Variants in RABGAP1L observed in about 807,000 individuals in gnomAD.
RABGAP1L encodes the protein RAB GTPase activating protein 1 like, also known as rab GTPase-activating protein 1-like.
A neutral mutation model predicts 137.7 loss-of-function variants in RABGAP1L; 63 were observed. The ratio of observed to expected loss-of-function variants is 0.46; its 90% CI spans 0.37 to 0.56. The LOEUF (loss-of-function observed/expected upper bound fraction) is 0.56. Among genes scored for constraint, RABGAP1L ranks in the 20% least tolerant of loss-of-function variants. The probability of loss-of-function intolerance (pLI) is 0.00; values close to 1 mark genes in which losing one functional copy is unlikely to be tolerated. For missense variants in RABGAP1L, 1,095 were observed against 1,244.0 expected (o/e 0.88, Z 1.80); for synonymous variants, 431 against 433.7 (o/e 0.99, Z 0.08).
intron 18 of RABGAP1L, among the ~76,000 whole-genome samples, chr1:174,782,588 C>A (rs548955917): frequency 6.6e-6 from 1 of 152,290 alleles, no homozygotes; most frequent in African/African-American, 2.4e-5. Flanking sequence ...ATTTGTTACT[C>A]TTCTCTGGAG....
chr1:174,245,976 G>C (rs1014301000), intron 5 of RABGAP1L: 2 of 152,114 alleles, frequency 1.3e-5, no homozygotes, highest in Non-Finnish European at 2.9e-5. Flanking sequence ...TTCCAAAAGA[G>C]TGAGTTATCT....
chr1:174,540,546 A>C (rs978088165), intron 13 of RABGAP1L, among the ~76,000 whole-genome samples: 9 of 152,216 alleles, frequency 5.9e-5, no homozygotes, highest in African/African-American at 2.2e-4. Flanking sequence ...TTTATTAAAT[A>C]GGGAATCCTT....
chr1:174,196,260 G>A (rs1223073933), intron 1 of RABGAP1L, among the ~76,000 whole-genome samples: 3 of 123,878 alleles, frequency 2.4e-5, no homozygotes, highest in East Asian at 2.4e-4. Flanking sequence ...GTCTTGCTCT[G>A]TCGCCCAGGC....
intron 18 of RABGAP1L, among the ~76,000 whole-genome samples, chr1:174,765,599 ATTT>A (rs754181726): frequency 6.9e-6 from 1 of 144,762 alleles, no homozygotes. Flanking sequence ...TGTCCAGCAA[ATTT>A]TTTTTTTTTT....
chr1:174,824,933 T>A (rs1691420168), intron 19 of RABGAP1L, among the ~76,000 whole-genome samples: 1 of 152,194 alleles, frequency 6.6e-6, no homozygotes, highest in African/African-American at 2.4e-5. Flanking sequence ...CTTCTGAAGT[T>A]CCACTTAAAG....
At chr1:174,333,009 T>C (rs1479765559) in intron 11 of RABGAP1L, among the ~76,000 whole-genome samples, 1 of 152,220 alleles carries the variant, frequency 6.6e-6, no homozygotes, top group African/African-American at 2.4e-5. Context: ...AATCCTGTTA[T>C]TTGGGACAAT....
rs774734705 is a variant in RABGAP1L at position 174,472,469 on chromosome 1, G to A, written c.1710+78324G>A. Among the ~76,000 whole-genome samples the A allele has an allele frequency of 1.1e-4, 17 of 152,284 alleles. 1 individual carries two copies. Among genetic ancestry groups the A allele is most frequent in the Non-Finnish European group, 1.9e-4 (13 of 68,034 alleles). On this transcript the variant is annotated intron_variant, in intron 13 of 25. Coordinates refer to ENST00000681986, the MANE Select transcript of RABGAP1L (RefSeq NM_001366446.1). ...TTTGGTGATTTGCTAGGACTAACAG[G>A]ACTCAGCATATAGTCCTCATTGCTA...
At chr1:174,809,101 C>A (rs977681448) in intron 18 of RABGAP1L, among the ~76,000 whole-genome samples, 2 of 152,194 alleles carry the variant, frequency 1.3e-5, no homozygotes, top group Non-Finnish European at 2.9e-5. Flanking sequence ...GTCAAGTACT[C>A]CAGAGGCTGA....
At position 174,221,031 on chromosome 1, in the gene RABGAP1L, C is replaced by T. The variant is rs140528551; in HGVS notation, c.198C>T (p.Ser66=). The T allele has an allele frequency of 3.1e-5, 50 of 1,613,482 alleles. No individual in the cohort carries two copies. Among genetic ancestry groups the T allele is most frequent in the African/African-American group, 2.8e-4 (21 of 74,946 alleles). ...CCATGGAAGAGATTTTGAGAGATTC[C>T]GAGAAAAGGCCAAGCAGTCTTCTTG... ...EKAMEEILRD[S]EKRPSSLLVD... is the part of the protein sequence containing the mutation. Residue 66 remains serine (S), a synonymous_variant, in exon 3 of 26, where the codon TCC becomes TCT. Coordinates refer to ENST00000681986, the MANE Select transcript of RABGAP1L (RefSeq NM_001366446.1).
At chr1:174,348,738 G>C (rs904434597) in intron 11 of RABGAP1L, among the ~76,000 whole-genome samples, 1 of 148,876 alleles carries the variant, frequency 6.7e-6, no homozygotes, top group African/African-American at 2.5e-5. Flanking sequence ...AACCCTGAGT[G>C]GACACAGCAC....
intron 1 of RABGAP1L, among the ~76,000 whole-genome samples, chr1:174,201,142 A>C (rs187460877): frequency 1.3e-5 from 2 of 152,130 alleles, no homozygotes; most frequent in East Asian, 3.9e-4. Context: ...TTTTGCAGAG[A>C]CAAGAGTCTC....
At chr1:174,547,910 C>T in intron 13 of RABGAP1L, 1 of 1,550,130 alleles carries the variant, frequency 6.5e-7, no homozygotes, top group South Asian at 1.2e-5. Context: ...ATGAAGGTCT[C>T]CATGACACCC....
intron 17 of RABGAP1L, among the ~76,000 whole-genome samples, chr1:174,702,551 T>TTATTTA (rs1174002688): frequency 6.6e-6 from 1 of 152,196 alleles, no homozygotes; most frequent in Non-Finnish European, 1.5e-5. Context: ...CAGTATAAAA[T>TTATTTA]GCCTTTAAGG....
At chr1:174,740,495 A>C (rs1271384137) in intron 17 of RABGAP1L, among the ~76,000 whole-genome samples, 1 of 152,182 alleles carries the variant, frequency 6.6e-6, no homozygotes, top group Non-Finnish European at 1.5e-5. Flanking sequence ...AGCTGTTTCC[A>C]GGCAAAATTA....
intron 18 of RABGAP1L, among the ~76,000 whole-genome samples, chr1:174,759,595 C>CA (rs36043682): frequency 0.13 from 13,024 of 101,128 alleles, 768 homozygotes; most frequent in Middle Eastern, 0.29. Flanking sequence ...ACTCTGTCTC[C>CA]AAAAAAAAAA....
At chr1:174,730,888 G>A (rs1682408663) in intron 17 of RABGAP1L, among the ~76,000 whole-genome samples, 2 of 152,110 alleles carry the variant, frequency 1.3e-5, no homozygotes, top group South Asian at 2.1e-4. Flanking sequence ...TGAGTAGAAA[G>A]TTTTTTCCAA....
At chr1:174,680,780 G>C (rs1274527258) in intron 14 of RABGAP1L, among the ~76,000 whole-genome samples, 1 of 152,100 alleles carries the variant, frequency 6.6e-6, no homozygotes, top group Non-Finnish European at 1.5e-5. Flanking sequence ...TGTAGTCCCA[G>C]CTACTCAGGA....
At chr1:174,287,186 A>G (rs1676136248) in intron 10 of RABGAP1L, among the ~76,000 whole-genome samples, 1 of 152,000 alleles carries the variant, frequency 6.6e-6, no homozygotes, top group Non-Finnish European at 1.5e-5. Context: ...TTCTCTTAAT[A>G]CTTGTTTTAT....
chr1:174,673,080 G>A (rs890037023), intron 14 of RABGAP1L, among the ~76,000 whole-genome samples: 28 of 152,006 alleles, frequency 1.8e-4, no homozygotes, highest in Non-Finnish European at 3.1e-4. Context: ...ACATAAGAGT[G>A]TATGAGGGTT....
Sources: allele counts gnomAD v4.1 joint callset (sites outside exome capture counted in the v4.1 genomes callset), GRCh38; gene constraint gnomAD v4.1.1; transcripts MANE v1.5; gene names NCBI Gene and HGNC (gene_info 2026-07-23, HGNC 2026-07-21).